The following CREB3L3 variants were observed in gnomAD, a reference collection of about 807,000 sequenced individuals.
CREB3L3 encodes cyclic AMP-responsive element-binding protein 3-like protein 3.
A neutral mutation model predicts 44.6 loss-of-function variants in CREB3L3; 40 were observed. The ratio of observed to expected loss-of-function variants is 0.90; its 90% CI spans 0.70 to 1.17. CREB3L3 has a LOEUF of 1.17. Ranked by LOEUF, CREB3L3 falls within the 50% of genes most tolerant of loss-of-function variation. The pLI is 0.00. For synonymous variants in CREB3L3, 273 were observed against 256.3 expected, an observed-to-expected ratio of 1.06 and a Z score of -0.62; for missense variants, 578 against 595.8, an observed-to-expected ratio of 0.97 and a Z score of 0.31.
chr19:4,170,019 G>T, intron 6 of CREB3L3, 121 bp from the exon 7 acceptor site: 2 of 933,718 alleles, frequency 2.1e-6, no homozygotes, highest in South Asian at 2.6e-5. Context: ...TTGGATGAAT[G>T]ACTTCCCCTC....
At chr19:4,168,037 T>G (rs571860696) in intron 5 of CREB3L3, among the ~76,000 whole-genome samples, 2 of 151,274 alleles carry the variant, frequency 1.3e-5, no homozygotes, top group Non-Finnish European at 2.9e-5. Flanking sequence ...TCGCTCTTGT[T>G]GCCCAGGCTG....
At chr19:4,167,848 G>C (rs1224282126) in intron 5 of CREB3L3, among the ~76,000 whole-genome samples, 1 of 152,032 alleles carries the variant, frequency 6.6e-6, no homozygotes, top group Non-Finnish European at 1.5e-5. Flanking sequence ...TTGGCTCCGG[G>C]ATGTCTTGTA....
intron 5 of CREB3L3, among the ~76,000 whole-genome samples, chr19:4,164,887 T>A (rs992624710): frequency 5.3e-5 from 8 of 151,888 alleles, no homozygotes; most frequent in South Asian, 4.1e-4. Context: ...TTTTGTATCT[T>A]TAGTAGAGAC....
intron 5 of CREB3L3, among the ~76,000 whole-genome samples, chr19:4,167,547 A>G (rs1481331565): frequency 1.9e-5 from 2 of 102,956 alleles, no homozygotes; most frequent in Non-Finnish European, 3.7e-5. Flanking sequence ...GAAGGGAGGG[A>G]GGGAGGGAGG....
intron 5 of CREB3L3, among the ~76,000 whole-genome samples, chr19:4,167,374 G>A (rs1485673984): frequency 2.2e-5 from 3 of 134,822 alleles, no homozygotes; most frequent in East Asian, 2.1e-4. Flanking sequence ...GAGAGAGAGA[G>A]AAAAGGAAGG....
intron 4 of CREB3L3, among the ~76,000 whole-genome samples, chr19:4,163,950 G>C (rs1040971182): frequency 2.7e-5 from 4 of 149,408 alleles, no homozygotes; most frequent in African/African-American, 9.9e-5. Context: ...GATTACAGGC[G>C]CCGCCACCAT....
intron 4 of CREB3L3, among the ~76,000 whole-genome samples, chr19:4,162,545 G>C (rs952914856): frequency 3.6e-5 from 5 of 139,366 alleles, no homozygotes; most frequent in Non-Finnish European, 1.5e-5. Flanking sequence ...TTAGCTGAGT[G>C]TGGTGGCGCA....
intron 5 of CREB3L3, among the ~76,000 whole-genome samples, chr19:4,167,742 G>A (rs549581552): frequency 1.3e-5 from 2 of 152,172 alleles, no homozygotes; most frequent in African/African-American, 4.8e-5. Flanking sequence ...ATTGGGAGCT[G>A]GGAAAAGACC....
chr19:4,168,915 G>C (rs350855), intron 6 of CREB3L3, among the ~76,000 whole-genome samples: 1 of 151,808 alleles, frequency 6.6e-6, no homozygotes, highest in Non-Finnish European at 1.5e-5. Flanking sequence ...TTGTATTTTT[G>C]GTAGAGATGG....
At chr19:4,159,978 T>C (rs1395494548) in intron 4 of CREB3L3, among the ~76,000 whole-genome samples, 196 bp downstream of exon 4, 1 of 152,052 alleles carries the variant, frequency 6.6e-6, no homozygotes, top group Non-Finnish European at 1.5e-5. Flanking sequence ...TAGTACTTAG[T>C]AGTAACAATA....
chr19:4,156,152 C>T (rs2041572561), intron 2 of CREB3L3, among the ~76,000 whole-genome samples: 1 of 91,596 alleles, frequency 1.1e-5, no homozygotes, highest in Non-Finnish European at 2.0e-5. Context: ...TCTCTCTCCC[C>T]CTCCCTCCCT....
Position 4,169,563 on chromosome 19 carries a change from G to T in CREB3L3, c.822-577G>T, listed in dbSNP as rs536617940. On this transcript the variant is annotated intron_variant, in intron 6 of 9. Coordinates refer to ENST00000078445, the MANE Select transcript of CREB3L3 (RefSeq NM_032607.3). ...TATTTCATCTTCTGGAAACATCACT[G>T]CCTGAATCTAGGAGGCTCAGCTTTT... Among the ~76,000 whole-genome samples, 11 of 146,966 alleles carry T rather than the reference G, an allele frequency of 7.5e-5. No individual in the cohort carries two copies. The South Asian group carries it at 2.4e-3, about 32-fold the overall frequency.
intron 4 of CREB3L3, among the ~76,000 whole-genome samples, chr19:4,162,893 C>T (rs1330682497): frequency 6.6e-6 from 1 of 152,164 alleles, no homozygotes; most frequent in Non-Finnish European, 1.5e-5. Flanking sequence ...TGGAGAATCG[C>T]TTGAGCCCGG....
intron 5 of CREB3L3, among the ~76,000 whole-genome samples, chr19:4,165,787 A>C (rs1966892192): frequency 1.3e-5 from 2 of 151,988 alleles, no homozygotes; most frequent in Admixed American, 6.6e-5. Context: ...AGGCAGGAGG[A>C]TCTCCCTTGA....
chr19:4,166,686 G>A (rs1424794779), intron 5 of CREB3L3, among the ~76,000 whole-genome samples: 3 of 150,748 alleles, frequency 2.0e-5, no homozygotes, highest in African/African-American at 4.9e-5. Flanking sequence ...GTGAGCCACC[G>A]TGCCTGGCCC....
chr19:4,171,446 AC>A lies in CREB3L3; in HGVS notation c.1041del (p.Glu348ArgfsTer64), dbSNP rs755279886. 1.9e-6 allele frequency: 3 copies of A among 1,613,760 alleles called. No homozygotes were observed. In the African/African-American group the frequency reaches 4.0e-5, roughly 22 times the overall value. ...PSISPFGPNK[T>X]ESPGDFAPVR... Reference sequence around the variant, plus strand: ...CATCAGCCCTTTTGGCCCCAACAAAACCGAGAGCCCTGGGGACTTTGCGCCT... The same window carrying A: ...CATCAGCCCTTTTGGCCCCAACAAAACGAGAGCCCTGGGGACTTTGCGCCT... On this transcript the variant is annotated frameshift_variant, in exon 9 of 10. Transcript: ENST00000078445. LOFTEE classifies it low-confidence loss of function (END_TRUNC). The surrounding 1 kb of genome is among the most constrained non-coding windows in gnomAD (Gnocchi z 4.9).
In CREB3L3 at chr19:4,153,722, A is replaced by G. The variant is rs1450340940; in HGVS notation, c.-26A>G. ...GCTTGGAGCAGAGACCCCCCGAGGC[A>G]TCTGCAGACAGAACTGGATGGACCC... On this transcript the variant is annotated 5_prime_UTR_variant, in exon 1 of 10. Transcript: ENST00000078445. The G allele has an allele frequency of 1.2e-6, 2 of 1,613,916 alleles. No homozygotes were observed. Among genetic ancestry groups the G allele is most frequent in the Non-Finnish European group, 1.7e-6 (2 of 1,179,982 alleles).
chr19:4,155,054 G>A lies in CREB3L3; in HGVS notation c.156+27G>A, dbSNP rs777784764. ...TGAGGAGTCCACTGCAGTTGCCCCG[G>A]GACCACAGAGCTCCAGGCGGGCCAA... On this transcript the variant is annotated intron_variant, in intron 2 of 9. Transcript: ENST00000078445. The A allele has an allele frequency of 1.1e-5, 18 of 1,601,242 alleles. No individual in the cohort carries two copies. The East Asian group carries it at 4.0e-4, about 36-fold the overall frequency.
chr19:4,153,727 C>T lies in CREB3L3; in HGVS notation c.-21C>T, dbSNP rs749032561. On this transcript the variant is annotated 5_prime_UTR_variant, in exon 1 of 10. Coordinates refer to ENST00000078445, the MANE Select transcript of CREB3L3 (RefSeq NM_032607.3). ...GAGCAGAGACCCCCCGAGGCATCTG[C>T]AGACAGAACTGGATGGACCCATGAA... is the stretch of plus-strand genomic sequence containing the variant. 6.2e-7 allele frequency: 1 copy of T among 1,614,056 alleles called. No homozygotes were observed. Among genetic ancestry groups the T allele is most frequent in the Non-Finnish European group, 8.5e-7 (1 of 1,179,990 alleles).
Sources: allele counts gnomAD v4.1 joint callset (sites outside exome capture counted in the v4.1 genomes callset), GRCh38; gene constraint gnomAD v4.1.1; non-coding constraint Gnocchi (gnomAD v3.1); transcripts MANE v1.5; gene names NCBI Gene and HGNC (gene_info 2026-07-23, HGNC 2026-07-21).